Variants in SORCS1 observed in about 807,000 individuals in gnomAD.
SORCS1 encodes VPS10 domain-containing receptor SorCS1.
A neutral mutation model predicts 146.1 loss-of-function variants in SORCS1; 60 were observed. The observed-to-expected ratio is 0.41, with a 90% CI of 0.33 to 0.51. The LOEUF is 0.51. SORCS1 is among the 20% of genes least tolerant of loss of function. SORCS1 has a pLI of 0.21. For synonymous variants in SORCS1, 637 were observed against 584.0 expected, an observed-to-expected ratio of 1.09 and a Z score of -1.31; for missense variants, 1,352 against 1,487.6, an observed-to-expected ratio of 0.91 and a Z score of 1.50.
chr10:106,879,032 C>T (rs1336588172), intron 2 of SORCS1, among the ~76,000 whole-genome samples: 1 of 151,590 alleles, frequency 6.6e-6, no homozygotes, highest in Non-Finnish European at 1.5e-5. Flanking sequence ...CGCCTGTAGT[C>T]CCAGCTACTC....
At chr10:107,021,295 G>A (rs537509055) in intron 1 of SORCS1, among the ~76,000 whole-genome samples, 9 of 151,992 alleles carry the variant, frequency 5.9e-5, no homozygotes, top group African/African-American at 1.9e-4. Flanking sequence ...GGTGGATCAC[G>A]AGGTCAGGAG....
chr10:107,034,211 G>C (rs1473402032), intron 1 of SORCS1, among the ~76,000 whole-genome samples: 1 of 152,110 alleles, frequency 6.6e-6, no homozygotes, highest in South Asian at 2.1e-4. Context: ...AAACACAAAT[G>C]GTGGGGAGGG....
chr10:107,059,424 CT>C (rs1815180578), intron 1 of SORCS1, among the ~76,000 whole-genome samples: 4 of 152,160 alleles, frequency 2.6e-5, no homozygotes, highest in Admixed American at 2.6e-4. Context: ...AAAGCAATTA[CT>C]TTGCTTTGTT....
chr10:107,081,091 A>C (rs1963298167), intron 1 of SORCS1, among the ~76,000 whole-genome samples: 1 of 152,206 alleles, frequency 6.6e-6, no homozygotes, highest in African/African-American at 2.4e-5. Context: ...CAGTACCATA[A>C]CTGCAGTTCA....
intron 2 of SORCS1, among the ~76,000 whole-genome samples, chr10:106,856,782 T>G (rs1456512761): frequency 6.6e-6 from 1 of 152,228 alleles, no homozygotes; most frequent in Middle Eastern, 3.2e-3. Flanking sequence ...CAACTACTGT[T>G]TAAGTTTTTG....
intron 1 of SORCS1, among the ~76,000 whole-genome samples, chr10:107,001,286 T>C (rs7903988): frequency 0.15 from 22,837 of 152,164 alleles, 5,627 homozygotes; most frequent in African/African-American, 0.51. Flanking sequence ...AAATGAAATG[T>C]CATTACCTCT....
At chr10:107,179,475 A>T in the SORCS1 span, among the ~76,000 whole-genome samples, 1 of 152,182 alleles carries the variant, frequency 6.6e-6, no homozygotes, top group Non-Finnish European at 1.5e-5. Flanking sequence ...AAAATGTACA[A>T]TATAAACCTC....
At chr10:106,668,089 G>C (rs1010327380) in intron 16 of SORCS1, among the ~76,000 whole-genome samples, 1 of 152,054 alleles carries the variant, frequency 6.6e-6, no homozygotes, top group African/African-American at 2.4e-5. Flanking sequence ...TCATTAGAAC[G>C]ATACACAATA....
At chr10:106,891,204 G>C (rs1168052237) in intron 2 of SORCS1, among the ~76,000 whole-genome samples, 4 of 152,158 alleles carry the variant, frequency 2.6e-5, no homozygotes, top group Non-Finnish European at 5.9e-5. Context: ...TCACACTGGA[G>C]TACTTGATGA....
intron 1 of SORCS1, among the ~76,000 whole-genome samples, chr10:107,117,668 G>T (rs1485897613): frequency 6.6e-6 from 1 of 152,186 alleles, no homozygotes; most frequent in Non-Finnish European, 1.5e-5. Flanking sequence ...AAGATCTCAT[G>T]AAGTTTGCCT....
intron 1 of SORCS1, among the ~76,000 whole-genome samples, chr10:107,133,045 G>A (rs1316204218): frequency 6.6e-6 from 1 of 152,124 alleles, no homozygotes; most frequent in Non-Finnish European, 1.5e-5. Context: ...GAATAAACTA[G>A]ACAGGAGAAA....
chr10:106,944,874 CTTTTTTTTTTTTTTTTTT>C (rs765355110), intron 2 of SORCS1, among the ~76,000 whole-genome samples: 1 of 36,576 alleles, frequency 2.7e-5, no homozygotes, highest in African/African-American at 1.0e-4. Flanking sequence ...AAAGAGCCTT[CTTTTTTTTTTTTTTTTTT>C]TTTTTTTTTT....
chr10:106,948,163 T>A (rs1476782823), intron 2 of SORCS1, among the ~76,000 whole-genome samples: 2 of 152,124 alleles, frequency 1.3e-5, no homozygotes, highest in Non-Finnish European at 2.9e-5. Context: ...ATGGTATGTA[T>A]ATATCTGTTG....
At chr10:107,075,511 G>C (rs1412397895) in intron 1 of SORCS1, among the ~76,000 whole-genome samples, 1 of 152,070 alleles carries the variant, frequency 6.6e-6, no homozygotes, top group East Asian at 1.9e-4. Flanking sequence ...TCCTATAGAA[G>C]CAGGATTGTT....
At chr10:106,968,528 G>T (rs1955618716) in intron 1 of SORCS1, among the ~76,000 whole-genome samples, 4 of 152,208 alleles carry the variant, frequency 2.6e-5, no homozygotes, top group Admixed American at 2.6e-4. Context: ...AAGAAATGAA[G>T]CAAGTCTTTC....
chr10:107,179,799 A>G, the SORCS1 span, among the ~76,000 whole-genome samples: 4 of 150,920 alleles, frequency 2.7e-5, no homozygotes, highest in Admixed American at 1.3e-4. Context: ...TGTTCTTTAC[A>G]TATTTTAGAT....
chr10:106,796,684 C>G (rs1176131833), intron 3 of SORCS1, among the ~76,000 whole-genome samples: 1 of 152,164 alleles, frequency 6.6e-6, no homozygotes, highest in African/African-American at 2.4e-5. Context: ...AGAGAGCGAG[C>G]AGAGTTTGGG....
At chr10:107,152,427 C>T (rs550015196) in intron 1 of SORCS1, among the ~76,000 whole-genome samples, 89 of 152,314 alleles carry the variant, frequency 5.8e-4, no homozygotes, top group African/African-American at 2.1e-3. Flanking sequence ...GGTAGATCCA[C>T]CGACAACTTG....
At chr10:106,671,493 T>C in intron 15 of SORCS1, 126 bp from the exon 16 acceptor site, 2 of 1,343,624 alleles carry the variant, frequency 1.5e-6, no homozygotes, top group Non-Finnish European at 2.0e-6. Context: ...GCCCTCTTTG[T>C]GCTAACAACA....
Sources: gnomAD v4.1 joint callset for allele counts (sites outside exome capture counted in the v4.1 genomes callset) on GRCh38, gnomAD v4.1.1 for gene constraint, MANE v1.5 for transcripts, NCBI Gene and HGNC (gene_info 2026-07-23, HGNC 2026-07-21) for gene names.